ZNF385D: variants seen among roughly 807,000 people sequenced by gnomAD.
ZNF385D encodes zinc finger protein 385D.
In ZNF385D, 15 loss-of-function variants were observed where a neutral mutation model predicts 35.8. The observed-to-expected ratio is 0.42, with a 90% CI of 0.28 to 0.64. The LOEUF (loss-of-function observed/expected upper bound fraction) is 0.64. Ranked by LOEUF, ZNF385D falls within the 30% of genes least tolerant of loss-of-function variation. The pLI is 0.23. For synonymous variants in ZNF385D, 212 were observed against 186.8 expected, an observed-to-expected ratio of 1.13 and a Z score of -1.10; for missense variants, 474 against 494.6, an observed-to-expected ratio of 0.96 and a Z score of 0.39.
At chr3:21,937,524 G>C (rs1701319376) in intron 3 of ZNF385D, among the ~76,000 whole-genome samples, 1 of 152,076 alleles carries the variant, frequency 6.6e-6, no homozygotes, top group Admixed American at 6.6e-5. Context: ...GATGTTTTGT[G>C]TTAATGATGA....
chr3:22,116,593 T>A lies in ZNF385D; in HGVS notation c.325+52224A>T, dbSNP rs145224605. Among the ~76,000 whole-genome samples the A allele has an allele frequency of 7.2e-5, 11 of 152,142 alleles. No individual in the cohort carries two copies. The East Asian group carries it at 1.7e-3, about 24-fold the overall frequency. On this transcript the variant is annotated intron_variant, in intron 3 of 5. Transcript: ENST00000494108. ...TGTGAGAGACGAAATTACACAAAATTTCTTAGAACTGAGGCAACATTTGAA... is the reference window on the plus strand; with the variant it reads ...TGTGAGAGACGAAATTACACAAAATATCTTAGAACTGAGGCAACATTTGAA...
chr3:22,300,689 G>A (rs950347646), intron 2 of ZNF385D, among the ~76,000 whole-genome samples: 6 of 152,002 alleles, frequency 3.9e-5, no homozygotes, highest in East Asian at 1.9e-4. Context: ...CATTAAAAAC[G>A]TTCAATATCA....
At chr3:21,881,493 A>G (rs1698273799) in intron 3 of ZNF385D, among the ~76,000 whole-genome samples, 1 of 152,018 alleles carries the variant, frequency 6.6e-6, no homozygotes, top group Non-Finnish European at 1.5e-5. Context: ...TACTCATAGA[A>G]AAAGATTCCT....
At chr3:21,716,811 T>G (rs1271121955) in intron 1 of ZNF385D, among the ~76,000 whole-genome samples, 1 of 152,192 alleles carries the variant, frequency 6.6e-6, no homozygotes, top group African/African-American at 2.4e-5. Context: ...TTTTGTTCAT[T>G]GCTCTGCCCT....
chr3:22,098,262 G>A (rs562374027), intron 3 of ZNF385D, among the ~76,000 whole-genome samples: 14 of 152,122 alleles, frequency 9.2e-5, no homozygotes, highest in Admixed American at 5.9e-4. Context: ...AGAAAACAGA[G>A]GAAGTGACCA....
chr3:22,169,019 G>A (rs570750845), exon 3 of ZNF385D: 10 of 985,746 alleles, frequency 1.0e-5, no homozygotes, highest in East Asian at 1.1e-4. Flanking sequence ...TCTCGCCATC[G>A]TGTACACAGG....
At chr3:22,129,851 G>C (rs1246316280) in intron 3 of ZNF385D, among the ~76,000 whole-genome samples, 1 of 152,076 alleles carries the variant, frequency 6.6e-6, no homozygotes, top group Non-Finnish European at 1.5e-5. Context: ...AAAGTTGTAA[G>C]ACCCTTCCCT....
intron 3 of ZNF385D, among the ~76,000 whole-genome samples, chr3:22,162,969 G>T (rs1366202007): frequency 6.6e-6 from 1 of 152,126 alleles, no homozygotes; most frequent in Non-Finnish European, 1.5e-5. Context: ...AAGAAAAGCA[G>T]GACATAGTAG....
At chr3:22,208,765 T>G (rs1697325325) in intron 2 of ZNF385D, among the ~76,000 whole-genome samples, 2 of 151,838 alleles carry the variant, frequency 1.3e-5, no homozygotes, top group South Asian at 4.1e-4. Flanking sequence ...AATACTTTTC[T>G]AAAATGTGTT....
chr3:22,156,953 C>T (rs111443118), intron 3 of ZNF385D, among the ~76,000 whole-genome samples: 10 of 152,232 alleles, frequency 6.6e-5, no homozygotes, highest in African/African-American at 2.4e-4. Flanking sequence ...TTCCAGATCT[C>T]CCACAGAGTT....
chr3:21,974,313 C>G (rs1703458426), intron 3 of ZNF385D, among the ~76,000 whole-genome samples: 1 of 151,856 alleles, frequency 6.6e-6, no homozygotes, highest in African/African-American at 2.4e-5. Flanking sequence ...ACCAAGAACA[C>G]ACAATGGGGA....
chr3:22,081,792 T>A (rs1042968041), intron 3 of ZNF385D, among the ~76,000 whole-genome samples: 9 of 152,124 alleles, frequency 5.9e-5, no homozygotes, highest in African/African-American at 1.9e-4. Context: ...GTCATTTTTT[T>A]AAAAAAGGTT....
At chr3:22,020,540 A>G (rs545570926) in intron 3 of ZNF385D, among the ~76,000 whole-genome samples, 92 of 152,098 alleles carry the variant, frequency 6.0e-4, no homozygotes, top group Admixed American at 1.4e-3. Flanking sequence ...GTACATCACC[A>G]ATCACCAGAT....
chr3:22,347,994 A>G (rs1250144658), intron 2 of ZNF385D, among the ~76,000 whole-genome samples: 1 of 152,160 alleles, frequency 6.6e-6, no homozygotes, highest in Non-Finnish European at 1.5e-5. Context: ...AAATTATAGT[A>G]CCTCTACTTC....
chr3:21,480,954 A>G (rs75851988), intron 4 of ZNF385D, among the ~76,000 whole-genome samples: 2,207 of 152,346 alleles, frequency 0.014, 23 homozygotes, highest in Non-Finnish European at 0.02. Flanking sequence ...AAATTTACTT[A>G]TCACATATGA....
chr3:21,459,074 G>C (rs1039360926), intron 4 of ZNF385D, among the ~76,000 whole-genome samples: 2 of 152,080 alleles, frequency 1.3e-5, no homozygotes, highest in Non-Finnish European at 2.9e-5. Context: ...GGGTAAGAGG[G>C]GAGCACAGGT....
At chr3:21,676,189 C>G (rs1352156448) in intron 1 of ZNF385D, among the ~76,000 whole-genome samples, 67 of 152,034 alleles carry the variant, frequency 4.4e-4, no homozygotes. Flanking sequence ...TTTGCAGTAC[C>G]CATTAGCTTC....
At chr3:22,323,248 G>A (rs991026845) in intron 2 of ZNF385D, among the ~76,000 whole-genome samples, 1 of 152,048 alleles carries the variant, frequency 6.6e-6, no homozygotes, top group African/African-American at 2.4e-5. Context: ...TTCTTTCCAG[G>A]ATCTCTCCCT....
intron 3 of ZNF385D, among the ~76,000 whole-genome samples, chr3:21,914,381 CTTTTTT>C (rs5847151): frequency 3.6e-5 from 5 of 138,740 alleles, no homozygotes; most frequent in Non-Finnish European, 3.1e-5. Context: ...TTTTGTTTGA[CTTTTTT>C]TTTTTTTTTT....
Sources: allele counts gnomAD v4.1 joint callset (sites outside exome capture counted in the v4.1 genomes callset), GRCh38; gene constraint gnomAD v4.1.1; transcripts MANE v1.5; gene names NCBI Gene and HGNC (gene_info 2026-07-23, HGNC 2026-07-21).